The following PDGFD variants were observed in gnomAD, a reference collection of about 807,000 sequenced individuals.
PDGFD encodes platelet-derived growth factor D.
A neutral mutation model predicts 44.7 loss-of-function variants in PDGFD; 30 were observed. That is an observed-to-expected ratio of 0.67 (90% confidence interval 0.50 to 0.91). The LOEUF (loss-of-function observed/expected upper bound fraction) is 0.91, where lower values mean the gene tolerates loss of function less well. PDGFD is among the 40% of genes least tolerant of loss of function. The pLI, the probability that PDGFD is intolerant of heterozygous loss-of-function variation, is 0.00. For synonymous variants in PDGFD, 173 were observed against 168.4 expected (o/e 1.03, Z -0.21); for missense variants, 445 against 457.8 (o/e 0.97, Z 0.25).
intron 1 of PDGFD, among the ~76,000 whole-genome samples, chr11:104,019,808 T>C (rs1004682358): frequency 6.6e-6 from 1 of 151,048 alleles, no homozygotes. Flanking sequence ...AGGGCTGACA[T>C]AAATGAACTT....
At chr11:104,086,450 A>G (rs1272275899) in intron 1 of PDGFD, among the ~76,000 whole-genome samples, 2 of 152,200 alleles carry the variant, frequency 1.3e-5, no homozygotes, top group Admixed American at 1.3e-4. Flanking sequence ...ATAATCAATG[A>G]TATCTTATAT....
rs1300970061 is a variant in PDGFD, at chr11:103,985,060, T to G, written c.510+11005A>C. Among the ~76,000 whole-genome samples the G allele has an allele frequency of 1.0e-4, 14 of 138,156 alleles. 2 individuals are homozygous for G. Among genetic ancestry groups the G allele is most frequent in the African/African-American group, 3.8e-4 (14 of 37,244 alleles). The allele number at this position is 138,156 out of a possible 152,430, so 90.6% of individuals were successfully genotyped here. On this transcript the variant is annotated intron_variant, in intron 3 of 6. Transcript: ENST00000393158. ...ATAGTTATATTTGTTTAATATATAT[T>G]AATTTATTTAATAGTTATATTTATT... is the stretch of plus-strand genomic sequence containing the variant.
chr11:104,084,846 T>C (rs1861105658), intron 1 of PDGFD, among the ~76,000 whole-genome samples: 2 of 73,564 alleles, frequency 2.7e-5, no homozygotes, highest in African/African-American at 2.1e-4. Context: ...ATGTAATGTA[T>C]ATATTTTAAA....
rs1501455 is a variant in PDGFD, at chr11:104,128,751, A to G, written c.124+35053T>C. Among the ~76,000 whole-genome samples the G allele has an allele frequency of 7.7e-3, 1,176 of 152,256 alleles. 13 individuals are homozygous for G. The highest frequency in any genetic ancestry group is 0.043 in the Admixed American group (661 of 15,290). ...CCTTTAAAATGAGGGCAAGAATCAT[A>G]CCTACCTGGAAGATTTACTGTGAGG... On this transcript the variant is annotated intron_variant, in intron 1 of 6. Transcript: ENST00000393158.
chr11:104,100,942 G>T (rs1289937334), intron 1 of PDGFD, among the ~76,000 whole-genome samples: 1 of 151,984 alleles, frequency 6.6e-6, no homozygotes, highest in African/African-American at 2.4e-5. Context: ...GGTATCGATG[G>T]GATGTATCTC....
intron 2 of PDGFD, 89 bp downstream of exon 2, chr11:103,999,962 C>G: frequency 8.3e-7 from 1 of 1,201,008 alleles, no homozygotes; most frequent in Non-Finnish European, 1.2e-6. Context: ...TTAAAAGGCT[C>G]AAAAGGAATG....
At chr11:104,120,178 A>T (rs1861751564) in intron 1 of PDGFD, among the ~76,000 whole-genome samples, 1 of 151,188 alleles carries the variant, frequency 6.6e-6, no homozygotes, top group Non-Finnish European at 1.5e-5. Flanking sequence ...TTTTTTCAGA[A>T]GGTATAGCAT....
intron 5 of PDGFD, among the ~76,000 whole-genome samples, chr11:103,942,797 T>C (rs1372815550): frequency 6.6e-6 from 1 of 152,172 alleles, no homozygotes; most frequent in African/African-American, 2.4e-5. Flanking sequence ...AGCACTGTTC[T>C]TGTAGGCAAG....
chr11:104,077,325 G>A (rs1043283989), intron 1 of PDGFD, among the ~76,000 whole-genome samples: 1 of 152,194 alleles, frequency 6.6e-6, no homozygotes, highest in African/African-American at 2.4e-5. Context: ...GATGAAGAAG[G>A]AAGGATGTAA....
At chr11:103,914,024 G>C (rs1858073502) in intron 6 of PDGFD, among the ~76,000 whole-genome samples, 2 of 152,102 alleles carry the variant, frequency 1.3e-5, no homozygotes, top group African/African-American at 4.8e-5. Context: ...GGGGTCAGGG[G>C]GCAACTTGCC....
intron 3 of PDGFD, 93 bp downstream of exon 3, chr11:103,995,972 A>T: frequency 9.1e-7 from 1 of 1,104,532 alleles, no homozygotes; most frequent in Non-Finnish European, 1.3e-6. Flanking sequence ...AATAAAGTTC[A>T]CTCACCCTCA....
intron 3 of PDGFD, among the ~76,000 whole-genome samples, chr11:103,984,061 A>G (rs556921015): frequency 1.3e-5 from 2 of 151,856 alleles, no homozygotes; most frequent in South Asian, 4.1e-4. Flanking sequence ...ATTATTGGGT[A>G]TATACCCAAA....
chr11:103,973,973 C>CTAA (rs976215047), intron 3 of PDGFD, among the ~76,000 whole-genome samples: 16 of 152,074 alleles, frequency 1.1e-4, no homozygotes, highest in African/African-American at 3.1e-4. Context: ...TTGGATGGAG[C>CTAA]CTTAGAAATA....
intron 6 of PDGFD, among the ~76,000 whole-genome samples, chr11:103,918,244 T>G (rs1191499634): frequency 1.3e-5 from 2 of 152,202 alleles, no homozygotes; most frequent in African/African-American, 4.8e-5. Context: ...GCAATTCTAT[T>G]GCACTTACAA....
chr11:104,023,506 T>C (rs754349441), intron 1 of PDGFD, among the ~76,000 whole-genome samples: 1 of 152,128 alleles, frequency 6.6e-6, no homozygotes, highest in African/African-American at 2.4e-5. Flanking sequence ...AAAAAGATGT[T>C]TATTATTTAT....
chr11:104,062,648 C>A (rs907038643), intron 1 of PDGFD, among the ~76,000 whole-genome samples: 4 of 152,096 alleles, frequency 2.6e-5, no homozygotes, highest in African/African-American at 9.7e-5. Context: ...AACTGACATA[C>A]AAAGAGAATA....
intron 1 of PDGFD, among the ~76,000 whole-genome samples, chr11:104,048,520 A>G (rs1225481068): frequency 6.6e-6 from 1 of 152,144 alleles, no homozygotes; most frequent in East Asian, 1.9e-4. Flanking sequence ...ACAGAAACCA[A>G]CCTAATTGAA....
chr11:103,965,922 C>G (rs796647523), intron 3 of PDGFD, among the ~76,000 whole-genome samples: 4 of 152,298 alleles, frequency 2.6e-5, no homozygotes, highest in African/African-American at 9.6e-5. Context: ...GCACATGTCC[C>G]TGGTCTAGGG....
intron 4 of PDGFD, among the ~76,000 whole-genome samples, chr11:103,945,186 CA>C (rs1215861196): frequency 2.0e-5 from 3 of 152,108 alleles, no homozygotes; most frequent in Non-Finnish European, 4.4e-5. Flanking sequence ...ATGTCCTCTA[CA>C]GTCATATTGT....
Sources: allele counts gnomAD v4.1 joint callset (sites outside exome capture counted in the v4.1 genomes callset), GRCh38; gene constraint gnomAD v4.1.1; transcripts MANE v1.5; gene names NCBI Gene and HGNC (gene_info 2026-07-23, HGNC 2026-07-21).